Variants in PRKAR2A observed in about 807,000 individuals in gnomAD.
PRKAR2A encodes cAMP-dependent protein kinase type II-alpha regulatory subunit.
A neutral mutation model predicts 51.9 loss-of-function variants in PRKAR2A; 29 were observed. That is an observed-to-expected ratio of 0.56 (90% CI 0.42 to 0.76). PRKAR2A has a LOEUF of 0.76. Among genes scored for constraint, PRKAR2A ranks in the 30% least tolerant of loss-of-function variants. The probability of loss-of-function intolerance (pLI) is 0.00; values close to 1 mark genes in which losing one functional copy is unlikely to be tolerated. For missense variants in PRKAR2A, 445 were observed against 512.1 expected, an observed-to-expected ratio of 0.87 and a Z score of 1.26; for synonymous variants, 178 against 186.2, an observed-to-expected ratio of 0.96 and a Z score of 0.36.
chr3:48,821,505 A>T (rs1231652169), intron 1 of PRKAR2A, among the ~76,000 whole-genome samples: 1 of 152,322 alleles, frequency 6.6e-6, no homozygotes, highest in East Asian at 1.9e-4. Context: ...TATGAGTTCT[A>T]GGATCAATAG....
chr3:48,801,438 C>G (rs550489228), intron 2 of PRKAR2A, among the ~76,000 whole-genome samples: 74 of 152,136 alleles, frequency 4.9e-4, no homozygotes, highest in Non-Finnish European at 9.1e-4. Context: ...CAGGTGTGAG[C>G]CACCATGCCC....
At chr3:48,808,868 C>T (rs2082725810) in intron 1 of PRKAR2A, among the ~76,000 whole-genome samples, 1 of 71,386 alleles carries the variant, frequency 1.4e-5, no homozygotes, top group Non-Finnish European at 3.0e-5. Flanking sequence ...TGGTCTTGAA[C>T]TCCTGACAGG....
At chr3:48,837,075 C>G (rs1428922372) in intron 1 of PRKAR2A, among the ~76,000 whole-genome samples, 1 of 152,002 alleles carries the variant, frequency 6.6e-6, no homozygotes, top group African/African-American at 2.4e-5. Flanking sequence ...CTGCAGTGAG[C>G]TATGATTGCA....
downstream of PRKAR2A, among the ~76,000 whole-genome samples, chr3:48,746,295 G>A (rs2081560978): frequency 7.4e-6 from 1 of 135,000 alleles, no homozygotes; most frequent in South Asian, 2.4e-4. Flanking sequence ...GAGGCAGGAA[G>A]ACTGCTTGAG....
Position 48,773,054 on chromosome 3 carries a change from T to C in PRKAR2A, c.597A>G (p.Gln199=), listed in dbSNP as rs774652810. ...TKDNQTRSVG[Q]YDNRGSFGEL... Reference sequence around the variant, plus strand: ...CTCCAAAACTGCCACGGTTGTCATATTGACCAACAGAGCGGGTTTGATTAT... The same window carrying C: ...CTCCAAAACTGCCACGGTTGTCATACTGACCAACAGAGCGGGTTTGATTAT... Residue 199 remains glutamine (Q), a synonymous_variant, in exon 6 of 11, where the codon CAA becomes CAG. Transcript: ENST00000265563. 9 of 1,613,836 alleles carry C rather than the reference T, an allele frequency of 5.6e-6. No homozygotes were observed. Among genetic ancestry groups the C allele is most frequent in the South Asian group, 1.1e-5 (1 of 91,052 alleles).
chr3:48,797,070 T>C (rs2082506261), intron 2 of PRKAR2A, among the ~76,000 whole-genome samples: 1 of 152,120 alleles, frequency 6.6e-6, no homozygotes, highest in South Asian at 2.1e-4. Context: ...TTCTTGACCC[T>C]ACTCTCAATC....
At chr3:48,827,022 C>T (rs2083079928) in intron 1 of PRKAR2A, among the ~76,000 whole-genome samples, 1 of 152,132 alleles carries the variant, frequency 6.6e-6, no homozygotes, top group Non-Finnish European at 1.5e-5. Context: ...AGCAGTCTTG[C>T]TGAAAATTAT....
At chr3:48,773,385 C>T (rs1244954511) in intron 5 of PRKAR2A, among the ~76,000 whole-genome samples, 4 of 148,288 alleles carry the variant, frequency 2.7e-5, no homozygotes, top group Non-Finnish European at 5.9e-5. Context: ...GCTCTGTCAC[C>T]CAGGCTGGAG....
chr3:48,782,002 TA>T (rs201727773), intron 5 of PRKAR2A, among the ~76,000 whole-genome samples: 9 of 152,194 alleles, frequency 5.9e-5, no homozygotes, highest in Admixed American at 3.9e-4. Context: ...TACTTTAAGA[TA>T]AAAAAACTAT....
intron 5 of PRKAR2A, among the ~76,000 whole-genome samples, chr3:48,780,925 G>T (rs2082185414): frequency 1.3e-5 from 2 of 152,046 alleles, no homozygotes; most frequent in African/African-American, 2.4e-5. Context: ...GCACACTGGG[G>T]TATTCAGAGA....
At chr3:48,761,326 C>T (rs2081860730) in intron 8 of PRKAR2A, among the ~76,000 whole-genome samples, 1 of 151,990 alleles carries the variant, frequency 6.6e-6, no homozygotes, top group African/African-American at 2.4e-5. Flanking sequence ...AAATGGATCA[C>T]AGACCTAAGG....
At chr3:48,844,028 C>T (rs2107472711) in intron 1 of PRKAR2A, among the ~76,000 whole-genome samples, 1 of 149,854 alleles carries the variant, frequency 6.7e-6, no homozygotes, top group Non-Finnish European at 1.5e-5. Context: ...GCAAAAGAAA[C>T]TACCATCAGA....
intron 5 of PRKAR2A, among the ~76,000 whole-genome samples, chr3:48,777,759 A>G (rs1417109486): frequency 4.6e-5 from 7 of 152,062 alleles, no homozygotes; most frequent in Non-Finnish European, 1.0e-4. Context: ...TGTCTGACAA[A>G]ATCACTAAAT....
chr3:48,800,535 C>T (rs2082572487), intron 2 of PRKAR2A, among the ~76,000 whole-genome samples: 1 of 151,346 alleles, frequency 6.6e-6, no homozygotes, highest in Non-Finnish European at 1.5e-5. Context: ...ACTATATACA[C>T]ACACACACAC....
intron 1 of PRKAR2A, among the ~76,000 whole-genome samples, chr3:48,825,003 C>A (rs187265781): frequency 4.4e-5 from 6 of 137,288 alleles, no homozygotes; most frequent in Admixed American, 2.9e-4. Context: ...TGGTTAAGTT[C>A]TTGAATTTAT....
chr3:48,755,037 G>A (rs1191673731), intron 9 of PRKAR2A, among the ~76,000 whole-genome samples: 1 of 105,732 alleles, frequency 9.5e-6, no homozygotes, highest in African/African-American at 3.9e-5. Flanking sequence ...TTGCTCTGTT[G>A]CCCAGGCTGG....
intron 4 of PRKAR2A, among the ~76,000 whole-genome samples, chr3:48,788,406 T>G (rs2082329991): frequency 6.6e-6 from 1 of 152,130 alleles, no homozygotes; most frequent in African/African-American, 2.4e-5. Context: ...TCAAATGATC[T>G]GCCTGCCTCA....
chr3:48,789,352 A>C (rs1464693215), intron 4 of PRKAR2A, among the ~76,000 whole-genome samples: 1 of 152,166 alleles, frequency 6.6e-6, no homozygotes, highest in Non-Finnish European at 1.5e-5. Flanking sequence ...CACAAATGTA[A>C]TGCCTTTTCC....
rs925193841 is a variant in PRKAR2A at position 48,773,046 on chromosome 3, T to C, written c.605A>G (p.Asn202Ser). The C allele has an allele frequency of 2.5e-6, 4 of 1,613,810 alleles. No homozygotes were observed. The highest frequency in any genetic ancestry group is 3.3e-5 in the Admixed American group (2 of 59,958). ...AGCTAGTTCTCCAAAACTGCCACGG[T>C]TGTCATATTGACCAACAGAGCGGGT... ...NQTRSVGQYD[N>S]RGSFGELALM... Residue 202 changes from asparagine to serine, a missense_variant, in exon 6 of 11, where the codon AAC (asparagine) becomes AGC (serine). Asn to Ser is a conservative substitution (Grantham distance 46). Transcript: ENST00000265563.
Sources: allele counts gnomAD v4.1 joint callset (sites outside exome capture counted in the v4.1 genomes callset), GRCh38; gene constraint gnomAD v4.1.1; transcripts MANE v1.5; gene names NCBI Gene and HGNC (gene_info 2026-07-23, HGNC 2026-07-21).